Variants in LARS2 observed in about 807,000 individuals in gnomAD.
LARS2 encodes the protein leucine--tRNA ligase, mitochondrial.
LARS2 carries 81 observed loss-of-function variants against 116.6 expected under a neutral mutation model. The observed-to-expected ratio is 0.69, with a 90% confidence interval of 0.58 to 0.84. The LOEUF (loss-of-function observed/expected upper bound fraction) is 0.84. LARS2 is among the 40% of genes least tolerant of loss of function. LARS2 has a pLI of 0.00. For synonymous variants in LARS2, 396 were observed against 407.2 expected (o/e 0.97, Z 0.33); for missense variants, 968 against 1,114.5 (o/e 0.87, Z 1.87).
At chr3:45,518,984 T>C (rs943412365) in intron 18 of LARS2, among the ~76,000 whole-genome samples, 5 of 152,350 alleles carry the variant, frequency 3.3e-5, no homozygotes, top group Admixed American at 3.3e-4. Context: ...CCTGAGCGAT[T>C]GAGTTCATAC....
rs145840081 is a variant in LARS2, at chr3:45,436,931, A to G, written c.517-9960A>G. The stretch of plus-strand genomic sequence containing the variant: ...TCTTGTCTGATTATGGATTATTTAT[A>G]GAATCTTGTGTAGTTTGTAACAGGG... On this transcript the variant is annotated intron_variant, in intron 6 of 21. Coordinates refer to ENST00000645846, the MANE Select transcript of LARS2 (RefSeq NM_015340.4). 5.3e-5 allele frequency among the ~76,000 whole-genome samples: 8 copies of G among 152,346 alleles called. No individual in the cohort carries two copies. The East Asian group carries it at 1.3e-3, about 26-fold the overall frequency.
chr3:45,523,880 C>T (rs1700492375), intron 19 of LARS2, 117 bp from the exon 20 acceptor site: 1 of 688,410 alleles, frequency 1.5e-6, no homozygotes, highest in Non-Finnish European at 2.5e-6. Flanking sequence ...AAATGGATGG[C>T]AAAGGGGGTT....
intron 7 of LARS2, among the ~76,000 whole-genome samples, chr3:45,455,970 G>C (rs1273579000): frequency 6.6e-6 from 1 of 152,062 alleles, no homozygotes; most frequent in Non-Finnish European, 1.5e-5. Flanking sequence ...GTAGAGAGTA[G>C]AATGATGGTT....
intron 20 of LARS2, chr3:45,538,394 T>A (rs1575321199): frequency 1.3e-5 from 2 of 152,220 alleles, no homozygotes; most frequent in African/African-American, 4.8e-5. Flanking sequence ...CCGCTGCAGC[T>A]GGGTCACAGG....
chr3:45,510,965 A>G (rs1002630663), intron 15 of LARS2, among the ~76,000 whole-genome samples: 2 of 152,254 alleles, frequency 1.3e-5, no homozygotes, highest in Non-Finnish European at 2.9e-5. Flanking sequence ...AATAAGTGAT[A>G]CATTTCACAT....
chr3:45,421,201 T>G (rs1698508110), intron 6 of LARS2: 1 of 152,194 alleles, frequency 6.6e-6, no homozygotes, highest in Non-Finnish European at 1.5e-5. Flanking sequence ...AAATCCGAAG[T>G]CCAGAAAGCT....
In LARS2 at chr3:45,491,534, G is replaced by C. The variant is rs201606733; in HGVS notation, c.1257G>C (p.Arg419=). The part of the protein sequence containing the change: ...SSSAEFTGMT[R]QDAFLALTQK... ...CCTGTCAGTTCACAGGTATGACCCG[G>C]CAGGATGCTTTTCTAGCCCTGACTC... The change falls in exon 13 of 22, where the codon CGG becomes CGC. Residue 419 remains arginine (R), a synonymous_variant. Coordinates refer to ENST00000645846, the MANE Select transcript of LARS2 (RefSeq NM_015340.4). 9.9e-6 allele frequency: 16 copies of C among 1,614,158 alleles called. No individual in the cohort carries two copies. The highest frequency in any genetic ancestry group is 1.4e-5 in the Non-Finnish European group (16 of 1,180,014).
At chr3:45,518,151 C>A (rs1700401340) in intron 18 of LARS2, 79 bp downstream of exon 18, 1 of 1,149,316 alleles carries the variant, frequency 8.7e-7, no homozygotes, top group South Asian at 1.5e-5. Flanking sequence ...TCTTTGCTGC[C>A]CTCCCTGCCT....
At chr3:45,470,967 C>T (rs776975276) in intron 8 of LARS2, among the ~76,000 whole-genome samples, 16 of 137,148 alleles carry the variant, frequency 1.2e-4, no homozygotes, top group South Asian at 2.4e-4. Flanking sequence ...AAGAGGTACA[C>T]GTACCAGTCC....
chr3:45,402,199 G>A (rs1698165383), intron 4 of LARS2, among the ~76,000 whole-genome samples: 1 of 152,116 alleles, frequency 6.6e-6, no homozygotes, highest in Non-Finnish European at 1.5e-5. Context: ...CCTGTTAAAA[G>A]GATTCAAAGA....
intron 20 of LARS2, among the ~76,000 whole-genome samples, chr3:45,537,713 A>G (rs938973674): frequency 6.6e-6 from 1 of 152,144 alleles, no homozygotes; most frequent in African/African-American, 2.4e-5. Context: ...TGGTGTGTCT[A>G]TGAGTGCAGG....
chr3:45,547,694 G>A lies in LARS2; in HGVS notation c.*164G>A. 1.6e-6 allele frequency: 1 copy of A among 619,736 alleles called. No homozygotes were observed. The highest frequency in any genetic ancestry group is 2.7e-6 in the Non-Finnish European group (1 of 366,016). 38.4% of individuals were successfully genotyped at this position (619,736 alleles called of 1,614,324 possible). A position where few individuals can be genotyped will look rare whatever the true frequency, so the allele number is the denominator to read the frequency against. On this transcript the variant is annotated 3_prime_UTR_variant, in exon 22 of 22. Transcript: ENST00000645846. ...GCAGTCAACAGTGTGCCTCTGTAGTGTGGCCTGGTGCTGGGGTGAAGGTGA... is the reference window on the plus strand; with the variant it reads ...GCAGTCAACAGTGTGCCTCTGTAGTATGGCCTGGTGCTGGGGTGAAGGTGA...
At chr3:45,496,415 G>A (rs1283394289) in intron 14 of LARS2, 42 bp downstream of exon 14, 3 of 1,430,108 alleles carry the variant, frequency 2.1e-6, no homozygotes, top group African/African-American at 2.8e-5. Context: ...TTGTCAGTGT[G>A]GCTCCTCCTA....
intron 18 of LARS2, among the ~76,000 whole-genome samples, chr3:45,518,293 C>A (rs1700403319): frequency 1.3e-5 from 2 of 152,062 alleles, no homozygotes; most frequent in Admixed American, 6.5e-5. Context: ...AAGAGATGCC[C>A]CCAGGAAATG....
chr3:45,482,617 T>C (rs1482323018), intron 10 of LARS2, among the ~76,000 whole-genome samples: 1 of 152,232 alleles, frequency 6.6e-6, no homozygotes, highest in Admixed American at 6.5e-5. Context: ...CTAATTTGTT[T>C]TTTAAAGTCC....
chr3:45,420,856 G>A (rs1480395168), intron 6 of LARS2, among the ~76,000 whole-genome samples: 2 of 152,182 alleles, frequency 1.3e-5, no homozygotes, highest in Non-Finnish European at 2.9e-5. Context: ...AAAGTTGTTA[G>A]ATTGTTTTCC....
In LARS2 at chr3:45,516,231, C is replaced by T; in HGVS notation, c.1999C>T (p.Leu667Phe). Residue 667 changes from leucine to phenylalanine, a missense_variant, in exon 17 of 22, where the codon CTT (leucine) becomes TTT (phenylalanine). Transcript: ENST00000645846. ...GATCGACACGATTCGGCTCTACATC[C>T]TTTTTGCTGCCCCTCCTGAGAAGGA... ...YGIDTIRLYI[L>F]FAAPPEKDIL... 6.2e-7 allele frequency: 1 copy of T among 1,614,096 alleles called. No individual in the cohort carries two copies.
At chr3:45,400,212 G>A (rs944968881) in intron 3 of LARS2, 33 bp from the exon 4 acceptor site, 1 of 1,597,718 alleles carries the variant, frequency 6.3e-7, no homozygotes, top group Admixed American at 1.7e-5. Context: ...CCCAGAAAAT[G>A]CTTAATAAAT....
chr3:45,533,491 C>A (rs1414462602), intron 20 of LARS2, among the ~76,000 whole-genome samples: 1 of 152,184 alleles, frequency 6.6e-6, no homozygotes, highest in Non-Finnish European at 1.5e-5. Flanking sequence ...CTGTCGTAGT[C>A]TTTTCTATAA....
Sources: gnomAD v4.1 joint callset for allele counts (sites outside exome capture counted in the v4.1 genomes callset) on GRCh38, gnomAD v4.1.1 for gene constraint, MANE v1.5 for transcripts, NCBI Gene and HGNC (gene_info 2026-07-23, HGNC 2026-07-21) for gene names.